CSMD1: variants seen among roughly 807,000 people sequenced by gnomAD.
CSMD1 encodes CUB and sushi domain-containing protein 1.
In CSMD1, 213 loss-of-function variants were observed where a neutral mutation model predicts 417.5. The ratio of observed to expected loss-of-function variants is 0.51; its 90% CI spans 0.46 to 0.57. The LOEUF is 0.57. CSMD1 is among the 20% of genes least tolerant of loss of function. The probability of loss-of-function intolerance (pLI) is 0.00; values close to 1 mark genes in which losing one functional copy is unlikely to be tolerated. For missense variants in CSMD1, 6,923 were observed against 4,529.7 expected (o/e 1.53, Z -15.17); for synonymous variants, 2,862 against 1,736.8 (o/e 1.65, Z -16.11).
chr8:3,199,185 A>C (rs556787629), intron 33 of CSMD1, among the ~76,000 whole-genome samples: 3 of 152,338 alleles, frequency 2.0e-5, no homozygotes, highest in Admixed American at 6.5e-5. Context: ...TAAAGGTGTA[A>C]AAGTACCCAA....
At chr8:4,628,628 C>T (rs1428398732) in intron 2 of CSMD1, among the ~76,000 whole-genome samples, 2 of 151,652 alleles carry the variant, frequency 1.3e-5, no homozygotes, top group African/African-American at 4.8e-5. Flanking sequence ...AAATGCTCTC[C>T]TCACACATGC....
At chr8:4,861,587 T>C (rs543940469) in intron 1 of CSMD1, among the ~76,000 whole-genome samples, 1 of 152,280 alleles carries the variant, frequency 6.6e-6, no homozygotes, top group Non-Finnish European at 1.5e-5. Flanking sequence ...GATTGTCAAC[T>C]GAAGTTCTTT....
At position 3,060,365 on chromosome 8, in the gene CSMD1, T is replaced by C. The variant is rs141730757; in HGVS notation, c.7475-7718A>G. ...TTCACCATGTTGGCCAGACTGATCT[T>C]GAACTCCTGAACTCCTTGAACTCCT... is the stretch of plus-strand genomic sequence containing the variant. On this transcript the variant is annotated intron_variant, in intron 49 of 69. Coordinates refer to ENST00000635120, the MANE Select transcript of CSMD1 (RefSeq NM_033225.6). Among the ~76,000 whole-genome samples the C allele has an allele frequency of 2.9e-4, 44 of 152,148 alleles. No individual in the cohort carries two copies. The East Asian group carries it at 7.4e-3, about 26-fold the overall frequency.
At chr8:3,062,778 G>C (rs904731028) in intron 49 of CSMD1, among the ~76,000 whole-genome samples, 3 of 152,122 alleles carry the variant, frequency 2.0e-5, no homozygotes, top group African/African-American at 7.2e-5. Context: ...ACAGTGAAAG[G>C]CTCTGGCTTG....
chr8:4,731,408 A>G (rs1413097554), intron 1 of CSMD1, among the ~76,000 whole-genome samples: 6 of 151,968 alleles, frequency 3.9e-5, no homozygotes, highest in Non-Finnish European at 7.4e-5. Flanking sequence ...TACTTTTCAT[A>G]TTTTTCCGTA....
At chr8:3,940,705 T>C (rs1810821983) in intron 5 of CSMD1, among the ~76,000 whole-genome samples, 1 of 152,046 alleles carries the variant, frequency 6.6e-6, no homozygotes, top group Non-Finnish European at 1.5e-5. Flanking sequence ...CTTTTTATAA[T>C]ACAAATTTCA....
intron 23 of CSMD1, among the ~76,000 whole-genome samples, chr8:3,317,944 G>A (rs1465427163): frequency 2.0e-5 from 3 of 152,118 alleles, no homozygotes; most frequent in East Asian, 1.9e-4. Context: ...TTGAGTAGCT[G>A]GGACCACAGA....
intron 5 of CSMD1, among the ~76,000 whole-genome samples, chr8:3,904,276 T>C (rs761000797): frequency 1.7e-4 from 26 of 152,202 alleles, no homozygotes; most frequent in Non-Finnish European, 3.2e-4. Flanking sequence ...AAACAAATCA[T>C]AGGTTCTTCC....
At chr8:4,030,024 G>C (rs143026863) in intron 4 of CSMD1, among the ~76,000 whole-genome samples, 1 of 152,174 alleles carries the variant, frequency 6.6e-6, no homozygotes, top group Non-Finnish European at 1.5e-5. Flanking sequence ...CAAGAGGTGA[G>C]CTCCAACAGT....
intron 1 of CSMD1, among the ~76,000 whole-genome samples, chr8:4,973,830 A>T (rs1470793323): frequency 6.6e-6 from 1 of 152,218 alleles, no homozygotes; most frequent in East Asian, 1.9e-4. Flanking sequence ...GTATAGGTAT[A>T]GGAAAACCCA....
chr8:4,754,940 C>T (rs1811575085), intron 1 of CSMD1, among the ~76,000 whole-genome samples: 1 of 151,956 alleles, frequency 6.6e-6, no homozygotes, highest in Non-Finnish European at 1.5e-5. Flanking sequence ...AGTTCGAAAC[C>T]AGCCTGGCCA....
intron 6 of CSMD1, among the ~76,000 whole-genome samples, chr8:3,738,566 C>G (rs143134610): frequency 6.9e-4 from 105 of 152,298 alleles, no homozygotes; most frequent in African/African-American, 2.3e-3. Context: ...CTTTTCAGGG[C>G]TCTGTGCTCT....
At chr8:3,667,974 G>A (rs1798789786) in intron 7 of CSMD1, among the ~76,000 whole-genome samples, 1 of 152,116 alleles carries the variant, frequency 6.6e-6, no homozygotes, top group Admixed American at 6.6e-5. Flanking sequence ...TTCTAACAGA[G>A]CCCCAATCCC....
chr8:4,731,755 T>C (rs1453529985), intron 1 of CSMD1, among the ~76,000 whole-genome samples: 2 of 152,100 alleles, frequency 1.3e-5, no homozygotes, highest in Non-Finnish European at 2.9e-5. Context: ...CTCTAGTAGT[T>C]TGGGAAGTGA....
intron 3 of CSMD1, among the ~76,000 whole-genome samples, chr8:4,173,020 T>C (rs1296298089): frequency 1.3e-5 from 2 of 152,150 alleles, no homozygotes; most frequent in African/African-American, 4.8e-5. Flanking sequence ...AAATGCTTGG[T>C]ATTTTAGCCC....
chr8:3,965,034 A>G (rs560972135), intron 5 of CSMD1, among the ~76,000 whole-genome samples: 1 of 152,216 alleles, frequency 6.6e-6, no homozygotes, highest in Non-Finnish European at 1.5e-5. Flanking sequence ...GTTTCTACAC[A>G]ATGTGCTTGT....
At chr8:4,519,275 T>C (rs1457679986) in intron 2 of CSMD1, among the ~76,000 whole-genome samples, 1 of 152,088 alleles carries the variant, frequency 6.6e-6, no homozygotes, top group Non-Finnish European at 1.5e-5. Context: ...ATATGGAATC[T>C]ATAAAATATC....
intron 3 of CSMD1, among the ~76,000 whole-genome samples, chr8:4,272,360 G>A (rs779118815): frequency 5.9e-5 from 9 of 152,112 alleles, no homozygotes; most frequent in Admixed American, 1.3e-4. Context: ...ACTAATTGCT[G>A]TACATCCTTT....
At chr8:3,969,231 C>T (rs1347899811) in intron 5 of CSMD1, among the ~76,000 whole-genome samples, 2 of 152,148 alleles carry the variant, frequency 1.3e-5, no homozygotes, top group Non-Finnish European at 1.5e-5. Flanking sequence ...GCCTGGGTGA[C>T]AGAGTGAGAC....
Sources: allele counts gnomAD v4.1 joint callset (sites outside exome capture counted in the v4.1 genomes callset), GRCh38; gene constraint gnomAD v4.1.1; transcripts MANE v1.5; gene names NCBI Gene and HGNC (gene_info 2026-07-23, HGNC 2026-07-21).